HS3ST1: variants seen among roughly 807,000 people sequenced by gnomAD.
HS3ST1 encodes heparan sulfate-glucosamine 3-sulfotransferase 1.
Under a neutral mutation model 20.7 loss-of-function variants are expected in HS3ST1, and 8 were observed. That is an observed-to-expected ratio of 0.39 (90% CI 0.23 to 0.70). HS3ST1 has a LOEUF of 0.70. HS3ST1 is among the 30% of genes least tolerant of loss of function. The probability of loss-of-function intolerance (pLI) is 0.46; values close to 1 mark genes in which losing one functional copy is unlikely to be tolerated. For synonymous variants in HS3ST1, 205 were observed against 190.4 expected, an observed-to-expected ratio of 1.08 and a Z score of -0.63; for missense variants, 436 against 423.4, an observed-to-expected ratio of 1.03 and a Z score of -0.26.
chr4:11,413,542 C>G lies in HS3ST1; in HGVS notation c.-108-13429G>C, dbSNP rs149874270. Among the ~76,000 whole-genome samples the G allele has an allele frequency of 1.8e-3, 276 of 152,216 alleles. 1 individual carries two copies. The highest frequency in any genetic ancestry group is 3.2e-3 in the Non-Finnish European group (221 of 68,022). Reference sequence around the variant, plus strand: ...TTTGAGAGTATCCACAATTCAGAGTCAAGGCCTAAATAAATGTACGGTGCA... The same window carrying G: ...TTTGAGAGTATCCACAATTCAGAGTGAAGGCCTAAATAAATGTACGGTGCA... On this transcript the variant is annotated intron_variant, in intron 1 of 1. Transcript: ENST00000002596.
chr4:11,424,015 CTG>C (rs1182357369), intron 1 of HS3ST1, among the ~76,000 whole-genome samples: 1 of 140,852 alleles, frequency 7.1e-6, no homozygotes, highest in Non-Finnish European at 1.5e-5. Flanking sequence ...TTACATAAAA[CTG>C]TGAATTGACA....
At chr4:11,429,287 C>T (rs1719152432), upstream of HS3ST1, 1 of 152,630 alleles carries the variant, frequency 6.6e-6, no homozygotes, top group South Asian at 2.1e-4. Context: ...GACGTCCCGT[C>T]TACTCCCTTA....
upstream of HS3ST1, chr4:11,429,639 T>C (rs1022651364): frequency 7.5e-6 from 1 of 133,598 alleles, no homozygotes; most frequent in African/African-American, 2.7e-5. Context: ...CGCGGAAAAT[T>C]CAGCTTTTTT....
chr4:11,424,002 A>C (rs928909481), intron 1 of HS3ST1, among the ~76,000 whole-genome samples: 2 of 148,868 alleles, frequency 1.3e-5, no homozygotes, highest in Non-Finnish European at 3.0e-5. Flanking sequence ...AAGTGAGTAG[A>C]TTTTACATAA....
chr4:11,402,121 A>G (rs924466510), intron 1 of HS3ST1, among the ~76,000 whole-genome samples: 7 of 152,246 alleles, frequency 4.6e-5, no homozygotes, highest in Non-Finnish European at 1.0e-4. Context: ...AAACTTGTCC[A>G]GAATGAATAA....
At position 11,395,888 on chromosome 4, in the gene HS3ST1, T is replaced by C. The variant is rs190455091; in HGVS notation, c.*3194A>G. 1 of 152,188 alleles carries C rather than the reference T, an allele frequency of 6.6e-6. No homozygotes were observed. The highest frequency in any genetic ancestry group is 1.5e-5 in the Non-Finnish European group (1 of 68,052). The allele number at this position is 152,188 out of a possible 1,614,324, so 9.4% of individuals were successfully genotyped here. ...CCATGGAACACATTCCCCCACCCAT[T>C]CTATACACAGCTAAATGTCTTTGCC... On this transcript the variant is annotated 3_prime_UTR_variant, in exon 2 of 2. Transcript: ENST00000002596.
Position 11,399,287 on chromosome 4 carries a change from T to A in HS3ST1, c.719A>T (p.Gln240Leu), listed in dbSNP as rs1418835136. Reference sequence around the variant, plus strand: ...AAAGTAGAAGTTCGAAGCATTGATCTGCGGCGACAGCTTTAGGAACCTCTC... The same window carrying A: ...AAAGTAGAAGTTCGAAGCATTGATCAGCGGCGACAGCTTTAGGAACCTCTC... ...KVERFLKLSPQINASNFYFNK... is the reference protein window; with the variant it reads ...KVERFLKLSPLINASNFYFNK... Residue 240 changes from glutamine to leucine, a missense_variant, in exon 2 of 2, where the codon CAG (glutamine) becomes CTG (leucine). Coordinates refer to ENST00000002596, the MANE Select transcript of HS3ST1 (RefSeq NM_005114.4). The surrounding 1 kb of genome is among the most constrained non-coding windows in gnomAD (Gnocchi z 5.1). 3.1e-6 allele frequency: 5 copies of A among 1,614,044 alleles called. No individual in the cohort carries two copies. Among genetic ancestry groups the A allele is most frequent in the Non-Finnish European group, 4.2e-6 (5 of 1,180,040 alleles).
intron 1 of HS3ST1, among the ~76,000 whole-genome samples, chr4:11,420,711 T>G (rs552837686): frequency 6.6e-6 from 1 of 152,180 alleles, no homozygotes; most frequent in Admixed American, 6.5e-5. Context: ...ATGCCCAGAG[T>G]TCTGTTTTGC....
intron 1 of HS3ST1, among the ~76,000 whole-genome samples, chr4:11,419,797 G>A (rs1718880009): frequency 6.6e-6 from 1 of 152,086 alleles, no homozygotes; most frequent in Non-Finnish European, 1.5e-5. Context: ...CAATCCAGAG[G>A]CCTTCCTTGC....
chr4:11,408,787 T>C (rs902078338), intron 1 of HS3ST1, among the ~76,000 whole-genome samples: 1 of 152,206 alleles, frequency 6.6e-6, no homozygotes, highest in Non-Finnish European at 1.5e-5. Flanking sequence ...AGGAGCCCCA[T>C]AGCAGACAGG....
At chr4:11,426,409 T>C (rs1037546557) in intron 1 of HS3ST1, among the ~76,000 whole-genome samples, 5 of 151,614 alleles carry the variant, frequency 3.3e-5, no homozygotes, top group Non-Finnish European at 5.9e-5. Context: ...AATAATTTCT[T>C]ATTTTAATAA....
chr4:11,399,865 TG>T lies in HS3ST1; in HGVS notation c.140del (p.Pro47GlnfsTer90). ...GCGGCAACTGCTGGGCAGAGCCGTT[TG>T]GGGCCACGCCATCGCGGACGTCATC... ...LQDDVRDGVAPNGSAQQLPQT... is the reference protein window; with the variant it reads ...LQDDVRDGVAXNGSAQQLPQT... On this transcript the variant is annotated frameshift_variant, in exon 2 of 2. Coordinates refer to ENST00000002596, the MANE Select transcript of HS3ST1 (RefSeq NM_005114.4). LOFTEE classifies it high-confidence loss of function. This position sits in a 1 kb window ranked among gnomAD's most constrained non-coding sequence, Gnocchi z 5.1. The T allele has an allele frequency of 6.2e-7, 1 of 1,612,704 alleles. No homozygotes were observed. The highest frequency in any genetic ancestry group is 1.3e-5 in the African/African-American group (1 of 75,052).
chr4:11,426,363 G>GCCC (rs60371655), intron 1 of HS3ST1, among the ~76,000 whole-genome samples: 1,678 of 145,940 alleles, frequency 0.011, 17 homozygotes, highest in African/African-American at 0.024. Flanking sequence ...CCCTTCAGAG[G>GCCC]CCCCCCCCCC....
chr4:11,426,780 A>C (rs1003461722), intron 1 of HS3ST1, among the ~76,000 whole-genome samples: 1 of 152,378 alleles, frequency 6.6e-6, no homozygotes, highest in Admixed American at 6.5e-5. Flanking sequence ...AAACCTGGAA[A>C]GACTCTTTTA....
chr4:11,409,502 GTCTC>G (rs201790248), intron 1 of HS3ST1, among the ~76,000 whole-genome samples: 2 of 152,020 alleles, frequency 1.3e-5, no homozygotes, highest in South Asian at 2.1e-4. Flanking sequence ...AGCTCACTCT[GTCTC>G]TCTCTCTCAT....
At chr4:11,400,172 C>T (rs1244654135) in intron 1 of HS3ST1, 59 bp from the exon 2 acceptor site, 5 of 1,359,590 alleles carry the variant, frequency 3.7e-6, no homozygotes, top group Non-Finnish European at 4.8e-6. Context: ...ATTCAACTAA[C>T]AACTCTGTAG....
intron 1 of HS3ST1, among the ~76,000 whole-genome samples, chr4:11,405,826 C>T (rs957342477): frequency 6.6e-6 from 1 of 152,198 alleles, no homozygotes; most frequent in Non-Finnish European, 1.5e-5. Flanking sequence ...CCTTATGTCT[C>T]CTTATTACAT....
At chr4:11,431,678 A>G (rs185716742), upstream of HS3ST1, among the ~76,000 whole-genome samples, 447 of 152,328 alleles carry the variant, frequency 2.9e-3, 2 homozygotes, top group Non-Finnish European at 2.7e-3. Flanking sequence ...TAAAGAAGAT[A>G]AAGGCTCAAG....
At chr4:11,404,344 C>T (rs947063009) in intron 1 of HS3ST1, among the ~76,000 whole-genome samples, 2 of 152,190 alleles carry the variant, frequency 1.3e-5, no homozygotes, top group Non-Finnish European at 2.9e-5. Flanking sequence ...GCCACCATAC[C>T]TGGCCTAATC....
Sources: allele counts gnomAD v4.1 joint callset (sites outside exome capture counted in the v4.1 genomes callset), GRCh38; gene constraint gnomAD v4.1.1; non-coding constraint Gnocchi (gnomAD v3.1); transcripts MANE v1.5; gene names NCBI Gene and HGNC (gene_info 2026-07-23, HGNC 2026-07-21).